The following DUSP16 variants were observed in gnomAD, a reference collection of about 807,000 sequenced individuals.
The protein encoded by DUSP16 is dual specificity protein phosphatase 16.
In DUSP16, 21 loss-of-function variants were observed where a neutral mutation model predicts 58.3. The observed-to-expected ratio is 0.36, with a 90% CI of 0.26 to 0.52. The LOEUF (loss-of-function observed/expected upper bound fraction) is 0.52. Among genes scored for constraint, DUSP16 ranks in the 20% least tolerant of loss-of-function variants. The probability of loss-of-function intolerance (pLI) is 0.94; values close to 1 mark genes in which losing one functional copy is unlikely to be tolerated. For synonymous variants in DUSP16, 320 were observed against 323.8 expected (o/e 0.99, Z 0.12); for missense variants, 726 against 819.0 (o/e 0.89, Z 1.39).
At chr12:12,562,087 C>G (rs1231937476) in intron 1 of DUSP16, 30 bp downstream of exon 1, 1 of 150,826 alleles carries the variant, frequency 6.6e-6, no homozygotes, top group Admixed American at 6.6e-5. Context: ...CCCGCCCGCA[C>G]ACCCCGCGCG....
chr12:12,511,217 A>G (rs1448672987), intron 3 of DUSP16, among the ~76,000 whole-genome samples: 1 of 152,192 alleles, frequency 6.6e-6, no homozygotes, highest in East Asian at 1.9e-4. Context: ...TGGGGGAGGA[A>G]TAACATTCAA....
chr12:12,502,720 T>C (rs1169105487), intron 3 of DUSP16, among the ~76,000 whole-genome samples: 1 of 151,972 alleles, frequency 6.6e-6, no homozygotes, highest in Non-Finnish European at 1.5e-5. Flanking sequence ...CTCGGCTAAT[T>C]TTGTATTTTT....
At chr12:12,492,905 G>A (rs1163895116) in intron 4 of DUSP16, among the ~76,000 whole-genome samples, 1 of 152,124 alleles carries the variant, frequency 6.6e-6, no homozygotes, top group African/African-American at 2.4e-5. Context: ...CTGATTACTT[G>A]ATTTCCTTCC....
In DUSP16 at chr12:12,487,040, C is replaced by T. The variant is rs1435277506; in HGVS notation, c.679G>A (p.Val227Ile). The T allele has an allele frequency of 1.7e-5, 27 of 1,614,028 alleles. No homozygotes were observed. The highest frequency in any genetic ancestry group is 2.2e-5 in the Non-Finnish European group (26 of 1,179,916). The change falls in exon 5 of 7, where the codon GTA becomes ATA. Residue 227 changes from valine (V) to isoleucine (I), a missense_variant. Physicochemically the swap from Val to Ile is conservative, Grantham distance 29. Coordinates refer to ENST00000298573, the MANE Select transcript of DUSP16 (RefSeq NM_030640.3). ...TTGAGCTACTTACCAATGAAATCTA[C>T]TGATTTGTCCAACCACGGCAAAATT... ...EKILPWLDKS[V>I]DFIEKAKASN... is the part of the protein sequence containing the mutation.
intron 1 of DUSP16, among the ~76,000 whole-genome samples, chr12:12,526,201 T>C (rs574509181): frequency 3.3e-5 from 5 of 152,378 alleles, no homozygotes; most frequent in African/African-American, 1.2e-4. Flanking sequence ...ATACCATTTC[T>C]GGTATATTTT....
intron 1 of DUSP16, among the ~76,000 whole-genome samples, chr12:12,553,578 T>G (rs2136270466): frequency 6.6e-6 from 1 of 152,364 alleles, no homozygotes; most frequent in Non-Finnish European, 1.5e-5. Flanking sequence ...GGTCTCACTC[T>G]GTTGCCCAGG....
At chr12:12,534,510 G>A (rs1209091275) in intron 1 of DUSP16, among the ~76,000 whole-genome samples, 2 of 152,026 alleles carry the variant, frequency 1.3e-5, no homozygotes, top group African/African-American at 4.8e-5. Context: ...TCTATAATTC[G>A]GCTCCATCAC....
intron 1 of DUSP16, among the ~76,000 whole-genome samples, chr12:12,551,255 A>G (rs551392800): frequency 6.6e-6 from 1 of 152,128 alleles, no homozygotes; most frequent in South Asian, 2.1e-4. Flanking sequence ...TAACCCCAGC[A>G]CCTCGGGAAG....
chr12:12,525,908 A>G (rs976383304), intron 1 of DUSP16, among the ~76,000 whole-genome samples: 1 of 152,164 alleles, frequency 6.6e-6, no homozygotes, highest in African/African-American at 2.4e-5. Flanking sequence ...AGTACCCTCT[A>G]TAACTACTCT....
chr12:12,530,060 T>C (rs1944363041), intron 1 of DUSP16, among the ~76,000 whole-genome samples: 1 of 152,258 alleles, frequency 6.6e-6, no homozygotes, highest in Admixed American at 6.5e-5. Flanking sequence ...ATGGTGGTTC[T>C]ATTTTTAATT....
At chr12:12,533,897 A>T (rs1399396988) in intron 1 of DUSP16, among the ~76,000 whole-genome samples, 1 of 152,262 alleles carries the variant, frequency 6.6e-6, no homozygotes, top group Admixed American at 6.5e-5. Flanking sequence ...CACTTAGAAC[A>T]AAAAGATATT....
intron 4 of DUSP16, 58 bp downstream of exon 4, chr12:12,500,461 C>T: frequency 6.6e-7 from 1 of 1,512,640 alleles, no homozygotes; most frequent in South Asian, 1.4e-5. Flanking sequence ...TGGGTAACTG[C>T]TGTTTCTCCA....
intron 3 of DUSP16, among the ~76,000 whole-genome samples, chr12:12,501,402 A>G (rs1345500031): frequency 6.6e-6 from 1 of 152,310 alleles, no homozygotes; most frequent in Non-Finnish European, 1.5e-5. Flanking sequence ...AGTTTTTTCT[A>G]GTCCTGTCCT....
intron 4 of DUSP16, among the ~76,000 whole-genome samples, chr12:12,498,399 A>ATTATTTATTTAT (rs145777045): frequency 0.014 from 2,057 of 146,758 alleles, 53 homozygotes; most frequent in Middle Eastern, 0.02. Context: ...TTTATTTTTT[A>ATTATTTATTTAT]TTATTTATTT....
At chr12:12,510,604 C>T (rs902492545) in intron 3 of DUSP16, among the ~76,000 whole-genome samples, 14 of 152,214 alleles carry the variant, frequency 9.2e-5, no homozygotes, top group African/African-American at 3.1e-4. Flanking sequence ...ATAGCACCTA[C>T]TATGAGTTTG....
intron 1 of DUSP16, among the ~76,000 whole-genome samples, chr12:12,545,454 T>TC (rs1348305928): frequency 1.3e-5 from 2 of 150,574 alleles, no homozygotes; most frequent in Admixed American, 1.3e-4. Flanking sequence ...TTTTTTTTTT[T>TC]TTTTTTCCGT....
In DUSP16 at chr12:12,473,792, A is replaced by ATCTC. The variant is rs1486051294; in HGVS notation, c.*3040_*3041insGAGA. ...GAGAGGTTGTTGAGATGTATGTGGC[A>ATCTC]AGGACAAAGGACAGCTCTTCAACAA... is the stretch of plus-strand genomic sequence containing the variant. On this transcript the variant is annotated 3_prime_UTR_variant, in exon 7 of 7. Transcript: ENST00000298573. 1.3e-5 allele frequency among the ~76,000 whole-genome samples: 2 copies of ATCTC among 152,214 alleles called. No individual in the cohort carries two copies. Among genetic ancestry groups the ATCTC allele is most frequent in the Non-Finnish European group, 2.9e-5 (2 of 68,036 alleles).
intron 3 of DUSP16, among the ~76,000 whole-genome samples, chr12:12,503,870 T>C (rs956639109): frequency 6.6e-6 from 1 of 152,144 alleles, no homozygotes; most frequent in Admixed American, 6.5e-5. Context: ...TAATAGCTAG[T>C]AGAATTCACA....
At chr12:12,525,346 G>A (rs574963003) in intron 1 of DUSP16, among the ~76,000 whole-genome samples, 5 of 151,394 alleles carry the variant, frequency 3.3e-5, no homozygotes, top group African/African-American at 1.2e-4. Context: ...TCGGCTCACC[G>A]CAACCTCCAC....
Sources: gnomAD v4.1 joint callset for allele counts (sites outside exome capture counted in the v4.1 genomes callset) on GRCh38, gnomAD v4.1.1 for gene constraint, MANE v1.5 for transcripts, NCBI Gene and HGNC (gene_info 2026-07-23, HGNC 2026-07-21) for gene names.